The following TBRG4 variants were observed in gnomAD, a reference collection of about 807,000 sequenced individuals.
The protein encoded by TBRG4 is transforming growth factor beta regulator 4, also known as FAST kinase domain-containing protein 4.
Under a neutral mutation model 65.6 loss-of-function variants are expected in TBRG4, and 43 were observed. The ratio of observed to expected loss-of-function variants is 0.66; its 90% CI spans 0.51 to 0.85. The LOEUF is 0.85. Among genes scored for constraint, TBRG4 ranks in the 40% least tolerant of loss-of-function variants. The pLI is 0.00. For synonymous variants in TBRG4, 366 were observed against 341.4 expected (o/e 1.07, Z -0.79); for missense variants, 709 against 787.9 (o/e 0.90, Z 1.20).
rs1317369970 is a variant in TBRG4 at position 45,108,666 on chromosome 7, GAAAGCACGAT to G, written c.411+151_411+160del. Among the ~76,000 whole-genome samples the G allele has an allele frequency of 1.4e-4, 22 of 152,326 alleles. 1 individual carries two copies. The highest frequency in any genetic ancestry group is 3.4e-3 in the Middle Eastern group (1 of 294). ...GGCCTCTTGTAAGGATAAACAAAGA[GAAAGCACGAT>G]AAAGCACTTTGAAATTTATAAAAAA... On this transcript the variant is annotated intron_variant, in intron 2 of 10. Coordinates refer to ENST00000258770, the MANE Select transcript of TBRG4 (RefSeq NM_004749.4).
In TBRG4 at chr7:45,102,243, A is replaced by G. The variant is rs760593865; in HGVS notation, c.1321+104T>C. ...AGGGAGAGGATGGAGAGCGAGGGGG[A>G]GGGAGAGCCCTGGCCTCCATCTGCC... On this transcript the variant is annotated intron_variant, in intron 7 of 10. Transcript: ENST00000258770. 8.4e-6 allele frequency: 13 copies of G among 1,554,378 alleles called. No homozygotes were observed. The South Asian group carries it at 1.2e-4, about 14-fold the overall frequency.
Position 45,109,061 on chromosome 7 carries a change from C to T in TBRG4, c.177G>A (p.Glu59=). The part of the protein sequence containing the change: ...HLPGSLMEPV[E]KERASTPYIE... ...TGTAGGGAGTAGATGCTCGTTCCTTCTCCACCGGCTCCATCAAGGAACCTG... is the reference window on the plus strand; with the variant it reads ...TGTAGGGAGTAGATGCTCGTTCCTTTTCCACCGGCTCCATCAAGGAACCTG... Residue 59 remains glutamate (E), a synonymous_variant, in exon 2 of 11, where the codon GAG becomes GAA. Transcript: ENST00000258770. The T allele has an allele frequency of 6.2e-7, 1 of 1,613,976 alleles. No individual in the cohort carries two copies. The highest frequency in any genetic ancestry group is 8.5e-7 in the Non-Finnish European group (1 of 1,179,880).
intron 3 of TBRG4, 41 bp from the exon 4 acceptor site, chr7:45,104,750 G>A (rs201938531): frequency 1.9e-6 from 3 of 1,601,780 alleles, no homozygotes; most frequent in East Asian, 2.2e-5. Context: ...CAATGGCCTG[G>A]GGTGGCAGAG....
chr7:45,105,400 G>A (rs1353168624), intron 3 of TBRG4, 41 bp downstream of exon 3: 4 of 1,556,766 alleles, frequency 2.6e-6, no homozygotes, highest in Non-Finnish European at 3.5e-6. Flanking sequence ...CCAAAGCCCA[G>A]GGGAGGCAGG....
intron 2 of TBRG4, 108 bp downstream of exon 2, chr7:45,108,718 GA>G (rs1211200434): frequency 1.2e-6 from 1 of 850,024 alleles, no homozygotes; most frequent in Non-Finnish European, 1.7e-6. Flanking sequence ...AATATCACAA[GA>G]GATGCAAGGC....
chr7:45,105,334 G>A (rs534190707), intron 3 of TBRG4, 107 bp downstream of exon 3: 2 of 1,264,950 alleles, frequency 1.6e-6, no homozygotes, highest in Admixed American at 2.3e-5. Flanking sequence ...CCAGGGCTCT[G>A]ATCCCAGTGC....
intron 3 of TBRG4, chr7:45,105,007 A>T: frequency 1.4e-6 from 1 of 735,724 alleles, no homozygotes; most frequent in Non-Finnish European, 2.5e-6. Context: ...AGCCCCCGCT[A>T]TGACAGAAAC....
Position 45,100,439 on chromosome 7 carries a change from A to C in TBRG4, c.1795-13T>G, listed in dbSNP as rs1784731137. On this transcript the variant is annotated splice_polypyrimidine_tract_variant and intron_variant, in intron 10 of 10. Transcript: ENST00000258770. The stretch of plus-strand genomic sequence containing the variant: ...CATAGAATGGGACCTAGAAGGAGGC[A>C]GGGGAGACAGGTCACATGGGCAAGG... 1 of 1,606,824 alleles carries C rather than the reference A, an allele frequency of 6.2e-7. No homozygotes were observed. The highest frequency in any genetic ancestry group is 8.5e-7 in the Non-Finnish European group (1 of 1,173,550).
intron 4 of TBRG4, 96 bp from the exon 5 acceptor site, chr7:45,104,352 TGTC>T: frequency 6.3e-7 from 1 of 1,593,458 alleles, no homozygotes; most frequent in African/African-American, 1.3e-5. Context: ...AGATATTTGA[TGTC>T]TGTAACCAAA....
At position 45,102,380 on chromosome 7, in the gene TBRG4, C is replaced by T. The variant is rs541039501; in HGVS notation, c.1288G>A (p.Val430Ile). 37 of 1,614,104 alleles carry T rather than the reference C, an allele frequency of 2.3e-5. No individual in the cohort carries two copies. The highest frequency in any genetic ancestry group is 1.7e-4 in the Middle Eastern group (1 of 6,054). ...QQAREAELQA[V>I]LHPEFHIQFL... is the part of the protein sequence containing the mutation. ...TGGATGTGAAATTCAGGGTGGAGGA[C>T]GGCTTGCAGCTCTGCTTCCCGTGCC... The change falls in exon 7 of 11, where the codon GTC becomes ATC. Residue 430 changes from valine (V) to isoleucine (I), a missense_variant. Val to Ile is a conservative substitution (Grantham distance 29). Transcript: ENST00000258770.
rs745698557 is a variant in TBRG4 at position 45,104,613 on chromosome 7, C to T, written c.832G>A (p.Ala278Thr). The T allele has an allele frequency of 6.2e-7, 1 of 1,613,954 alleles. No homozygotes were observed. The highest frequency in any genetic ancestry group is 1.7e-5 in the Admixed American group (1 of 60,026). ...TTCTGCACCAGGTGGTAGGAGATGG[C>T]CCGCAGCAAGGGCACGGACCGCCGG... ...QSRRSVPLLR[A>T]ISYHLVQKPF... The change falls in exon 4 of 11, where the codon GCC (alanine) becomes ACC (threonine). Residue 278 changes from alanine (A) to threonine (T), a missense_variant. By Grantham distance (58) the Ala-to-Thr change is moderately conservative. Coordinates refer to ENST00000258770, the MANE Select transcript of TBRG4 (RefSeq NM_004749.4).
At chr7:45,103,127 G>A (rs1784821836) in intron 6 of TBRG4, 1 of 594,626 alleles carries the variant, frequency 1.7e-6, no homozygotes, top group Non-Finnish European at 3.0e-6. Context: ...CTGCCTGGCA[G>A]GGCAGTCAAC....
intron 1 of TBRG4, among the ~76,000 whole-genome samples, chr7:45,110,375 C>G (rs1421337946): frequency 6.6e-6 from 1 of 151,662 alleles, no homozygotes; most frequent in Non-Finnish European, 1.5e-5. Context: ...TTGCTTTTAA[C>G]AATTCTATCG....
chr7:45,108,798 A>G lies in TBRG4; in HGVS notation c.411+29T>C, dbSNP rs777393243. 3.3e-6 allele frequency: 5 copies of G among 1,496,410 alleles called. No individual in the cohort carries two copies. In the Admixed American group the frequency reaches 7.4e-5, roughly 22 times the overall value. The allele number at this position is 1,496,410 out of a possible 1,614,324, so 92.7% of individuals were successfully genotyped here. A position where few individuals can be genotyped will look rare whatever the true frequency, so the allele number is the denominator to read the frequency against. On this transcript the variant is annotated intron_variant, in intron 2 of 10. Transcript: ENST00000258770. ...ATTTCTGGCTGTTTTCCTCTTGTCT[A>G]TGCTCTCAGACCACACTCCGGCACC...
At position 45,108,855 on chromosome 7, in the gene TBRG4, T is replaced by A; in HGVS notation, c.383A>T (p.His128Leu). 6.5e-7 allele frequency: 1 copy of A among 1,543,516 alleles called. No homozygotes were observed. Among genetic ancestry groups the A allele is most frequent in the Non-Finnish European group, 8.7e-7 (1 of 1,147,962 alleles). The stretch of plus-strand genomic sequence containing the variant: ...ACTGTTGAGCAGACAGAGAAGTTGA[T>A]GAAAGTGGGCATCCTGTATGAGCAA... ...KGLLIQDAHFHQLLCLLNSQI... is the reference protein window; with the variant it reads ...KGLLIQDAHFLQLLCLLNSQI... Residue 128 changes from histidine to leucine, a missense_variant, in exon 2 of 11, where the codon CAT becomes CTT. By Grantham distance (99) the His-to-Leu change is moderately conservative. Transcript: ENST00000258770.
intron 3 of TBRG4, 134 bp downstream of exon 3, chr7:45,105,307 G>T: frequency 9.9e-7 from 1 of 1,011,622 alleles, no homozygotes; most frequent in Non-Finnish European, 1.4e-6. Context: ...GATGCCTGAG[G>T]CTCCAGACAG....
intron 2 of TBRG4, chr7:45,106,933 G>T (rs1426838341): frequency 6.6e-6 from 1 of 152,336 alleles, no homozygotes; most frequent in East Asian, 1.9e-4. Flanking sequence ...ATAAGCAGGA[G>T]TCCCTGCAGT....
chr7:45,103,439 A>T lies in TBRG4; in HGVS notation c.1070T>A (p.Val357Asp). The T allele has an allele frequency of 1.9e-6, 3 of 1,612,584 alleles. No homozygotes were observed. Among genetic ancestry groups the T allele is most frequent in the Non-Finnish European group, 2.5e-6 (3 of 1,179,254 alleles). Residue 357 changes from valine (V) to aspartate (D), a missense_variant, in exon 6 of 11, where the codon GTC (valine) becomes GAC (aspartate). Coordinates refer to ENST00000258770, the MANE Select transcript of TBRG4 (RefSeq NM_004749.4). ...LPLFEAFAQH[V>D]LNRAQDITLP... The stretch of plus-strand genomic sequence containing the variant: ...GGTGATGTCCTGCGCTCTGTTCAGG[A>T]CGTGCTGGGTGGGTCAGAAATAGCA...
At chr7:45,105,383 A>C in intron 3 of TBRG4, 58 bp downstream of exon 3, 7 of 1,533,236 alleles carry the variant, frequency 4.6e-6, no homozygotes, top group Non-Finnish European at 6.1e-6. Context: ...TCACCCAAAG[A>C]ACAAGCCCAA....
Sources: allele counts gnomAD v4.1 joint callset (sites outside exome capture counted in the v4.1 genomes callset), GRCh38; gene constraint gnomAD v4.1.1; transcripts MANE v1.5; gene names NCBI Gene and HGNC (gene_info 2026-07-23, HGNC 2026-07-21).